DDX31: variants seen among roughly 807,000 people sequenced by gnomAD.
DDX31 encodes the protein DEAD-box helicase 31, also known as ATP-dependent DNA helicase DDX31.
DDX31 carries 70 observed loss-of-function variants against 91.3 expected under a neutral mutation model. That is an observed-to-expected ratio of 0.77 (90% confidence interval 0.63 to 0.94). The LOEUF (loss-of-function observed/expected upper bound fraction) is 0.94. Among genes scored for constraint, DDX31 ranks in the 40% least tolerant of loss-of-function variants. DDX31 has a pLI of 0.00. For missense variants in DDX31, 902 were observed against 925.0 expected (o/e 0.98, Z 0.32); for synonymous variants, 362 against 350.6 (o/e 1.03, Z -0.36).
In DDX31 at chr9:132,594,789, C is replaced by G. The variant is rs306549; in HGVS notation, c.*77G>C. 0.77 allele frequency: 1,198,564 copies of G among 1,560,602 alleles called. 462,168 individuals are homozygous for G. The highest frequency in any genetic ancestry group is 0.92 in the African/African-American group (66,909 of 72,910). On this transcript the variant is annotated 3_prime_UTR_variant, in exon 20 of 20. Transcript: ENST00000372159. ...CAAAGGCGCAGTTATTTTTCACAAG[C>G]CTCCTCTGACAAGAACTGGACATCA...
intron 13 of DDX31, among the ~76,000 whole-genome samples, chr9:132,643,689 G>A (rs145247925): frequency 6.7e-4 from 102 of 152,236 alleles, no homozygotes; most frequent in African/African-American, 2.3e-3. Flanking sequence ...CAAAGGACAC[G>A]CACACCTGGT....
In DDX31 at chr9:132,618,406, C is replaced by T. The variant is rs1831783970; in HGVS notation, c.1749G>A (p.Glu583=). 1 of 1,611,734 alleles carries T rather than the reference C, an allele frequency of 6.2e-7. No homozygotes were observed. Among genetic ancestry groups the T allele is most frequent in the South Asian group, 1.1e-5 (1 of 90,384 alleles). Residue 583 remains glutamate, a synonymous_variant, in exon 18 of 20, where the codon GAG becomes GAA. Coordinates refer to ENST00000372159, the MANE Select transcript of DDX31 (RefSeq NM_022779.9). ...SHAVGPQEIR[E]RATVLQTVFE... ...ATACCGTCTGCAAGACTGTGGCTCG[C>T]TCTCGGATTTCCTGGGGGCCAACAG...
intron 18 of DDX31, among the ~76,000 whole-genome samples, chr9:132,616,658 C>A (rs571141641): frequency 6.6e-6 from 1 of 152,316 alleles, no homozygotes; most frequent in South Asian, 2.1e-4. Context: ...TAAAGTTACA[C>A]TGTGACAAAG....
intron 6 of DDX31, chr9:132,658,447 A>T (rs2885680): frequency 1.4e-6 from 1 of 692,264 alleles, no homozygotes; most frequent in Non-Finnish European, 2.6e-6. Flanking sequence ...AGCATCTTAC[A>T]AAGCTTCCCT....
At chr9:132,603,916 T>G (rs1423497488) in intron 19 of DDX31, among the ~76,000 whole-genome samples, 1 of 151,894 alleles carries the variant, frequency 6.6e-6, no homozygotes, top group South Asian at 2.1e-4. Flanking sequence ...GGAGGGTGCG[T>G]TTGTTCCACG....
chr9:132,626,948 C>T (rs188331992), intron 16 of DDX31, among the ~76,000 whole-genome samples: 28 of 151,952 alleles, frequency 1.8e-4, no homozygotes, highest in Admixed American at 3.9e-4. Flanking sequence ...AGGGAGAGTG[C>T]CCTGACTTCA....
intron 17 of DDX31, among the ~76,000 whole-genome samples, chr9:132,622,406 T>C (rs1832086023): frequency 6.6e-6 from 1 of 150,794 alleles, no homozygotes; most frequent in Non-Finnish European, 1.5e-5. Flanking sequence ...GAAGGGCAGA[T>C]GCTACCAAAA....
At chr9:132,660,932 G>C in intron 4 of DDX31, 1 of 431,516 alleles carries the variant, frequency 2.3e-6, no homozygotes, top group South Asian at 3.5e-5. Context: ...TCTTTTCAGG[G>C]AAGCACAGAA....
intron 6 of DDX31, chr9:132,658,270 C>T (rs2130825542): frequency 1.4e-6 from 1 of 703,006 alleles, no homozygotes; most frequent in South Asian, 1.5e-5. Context: ...GGTAGAAATC[C>T]AGTTCCTCCA....
intron 15 of DDX31, among the ~76,000 whole-genome samples, chr9:132,631,157 T>C (rs1832692968): frequency 6.6e-6 from 1 of 152,218 alleles, no homozygotes; most frequent in South Asian, 2.1e-4. Flanking sequence ...TAATTGACCA[T>C]CCACTCATTC....
Position 132,651,058 on chromosome 9 carries a change from C to G in DDX31, c.675+17G>C, listed in dbSNP as rs745464526. 5.0e-6 allele frequency: 8 copies of G among 1,605,902 alleles called. No individual in the cohort carries two copies. Among genetic ancestry groups the G allele is most frequent in the Non-Finnish European group, 6.8e-6 (8 of 1,175,624 alleles). On this transcript the variant is annotated intron_variant, in intron 8 of 19. Transcript: ENST00000372159. ...AGTCAGCAAGCAAGATGAAATGGAA[C>G]TCATGGTTTGCCTTACCTTAAGCAG...
intron 13 of DDX31, among the ~76,000 whole-genome samples, chr9:132,645,018 A>G (rs1833734968): frequency 1.3e-5 from 2 of 152,210 alleles, no homozygotes. Flanking sequence ...TCAAACCTCT[A>G]GTGTCCCTTT....
At chr9:132,613,415 C>T (rs1319697967) in intron 18 of DDX31, among the ~76,000 whole-genome samples, 2 of 152,160 alleles carry the variant, frequency 1.3e-5, no homozygotes, top group African/African-American at 4.8e-5. Flanking sequence ...GAAGAGCGGC[C>T]GGGCGCGGTG....
intron 14 of DDX31, 67 bp from the exon 15 acceptor site, chr9:132,632,158 T>C (rs911827180): frequency 3.7e-5 from 56 of 1,501,236 alleles, no homozygotes; most frequent in Non-Finnish European, 4.3e-5. Context: ...CTGGATATGT[T>C]TGATAATTTA....
intron 6 of DDX31, among the ~76,000 whole-genome samples, chr9:132,653,136 A>G (rs1289630672): frequency 6.6e-6 from 1 of 151,956 alleles, no homozygotes; most frequent in African/African-American, 2.4e-5. Context: ...ACCATAAGAG[A>G]ACTAATGTAA....
chr9:132,598,483 C>A (rs530027080), intron 19 of DDX31, among the ~76,000 whole-genome samples: 1 of 152,112 alleles, frequency 6.6e-6, no homozygotes, highest in East Asian at 1.9e-4. Context: ...CTGAATAAAC[C>A]CCCCCTCAGT....
At chr9:132,634,597 T>TTTG (rs1554765831) in intron 14 of DDX31, among the ~76,000 whole-genome samples, 6 of 150,270 alleles carry the variant, frequency 4.0e-5, no homozygotes. Context: ...TTTTTTTTTT[T>TTTG]TTTTTTTTTT....
intron 17 of DDX31, among the ~76,000 whole-genome samples, chr9:132,620,933 C>T (rs895931488): frequency 7.2e-5 from 11 of 152,164 alleles, no homozygotes; most frequent in Admixed American, 2.6e-4. Flanking sequence ...ACCATCCATC[C>T]GCACGCAATG....
chr9:132,632,278 A>ACACACACACACACAGTCCTG (rs1832830608), intron 14 of DDX31, among the ~76,000 whole-genome samples, 187 bp from the exon 15 acceptor site: 2 of 146,458 alleles, frequency 1.4e-5, no homozygotes, highest in Admixed American at 6.7e-5. Flanking sequence ...ACACACACAC[A>ACACACACACACACAGTCCTG]CACACACACA....
Sources: gnomAD v4.1 joint callset for allele counts (sites outside exome capture counted in the v4.1 genomes callset) on GRCh38, gnomAD v4.1.1 for gene constraint, MANE v1.5 for transcripts, NCBI Gene and HGNC (gene_info 2026-07-23, HGNC 2026-07-21) for gene names.